Variants in NADK2 observed in about 807,000 individuals in gnomAD.
The protein encoded by NADK2 is NAD kinase domain-containing protein 1, mitochondrial.
A neutral mutation model predicts 62.1 loss-of-function variants in NADK2; 35 were observed. The ratio of observed to expected loss-of-function variants is 0.56; its 90% CI spans 0.43 to 0.75. The LOEUF is 0.75. Ranked by LOEUF, NADK2 falls within the 30% of genes least tolerant of loss-of-function variation. The probability of loss-of-function intolerance (pLI) is 0.00; values close to 1 mark genes in which losing one functional copy is unlikely to be tolerated. For synonymous variants in NADK2, 205 were observed against 207.9 expected (o/e 0.99, Z 0.12); for missense variants, 439 against 561.3 (o/e 0.78, Z 2.20).
At chr5:36,216,838 T>A (rs1347022196) in intron 6 of NADK2, among the ~76,000 whole-genome samples, 2 of 152,152 alleles carry the variant, frequency 1.3e-5, no homozygotes, top group Non-Finnish European at 1.5e-5. Context: ...CTATTATTTT[T>A]AAATTGTACT....
At chr5:36,214,338 G>A (rs1209205518) in intron 6 of NADK2, among the ~76,000 whole-genome samples, 1 of 151,992 alleles carries the variant, frequency 6.6e-6, no homozygotes, top group Non-Finnish European at 1.5e-5. Flanking sequence ...GCGCCACCAC[G>A]CCTGGCTAAT....
chr5:36,210,098 G>A (rs928124031), intron 7 of NADK2, among the ~76,000 whole-genome samples: 1 of 152,230 alleles, frequency 6.6e-6, no homozygotes, highest in South Asian at 2.1e-4. Context: ...TAGTAAACTA[G>A]GGATCCAACA....
At chr5:36,218,249 TTG>T (rs1357166764) in intron 5 of NADK2, 1 of 157,976 alleles carries the variant, frequency 6.3e-6, no homozygotes, top group Non-Finnish European at 1.4e-5. Flanking sequence ...TAAAATAATA[TTG>T]TGTTCAGATG....
intron 8 of NADK2, among the ~76,000 whole-genome samples, chr5:36,206,533 T>C (rs529485466): frequency 2.0e-4 from 31 of 152,108 alleles, no homozygotes; most frequent in African/African-American, 7.0e-4. Context: ...AAAATGCTTT[T>C]TTTCTCTAGA....
intron 6 of NADK2, among the ~76,000 whole-genome samples, chr5:36,214,928 A>C (rs1352038258): frequency 6.6e-6 from 1 of 152,208 alleles, no homozygotes; most frequent in African/African-American, 2.4e-5. Context: ...TATATTAATA[A>C]AACCAGTCTT....
At chr5:36,219,469 C>G in intron 5 of NADK2, 127 bp downstream of exon 5, 1 of 754,250 alleles carries the variant, frequency 1.3e-6, no homozygotes, top group Non-Finnish European at 2.1e-6. Context: ...CATCGGCCTC[C>G]CAAAGTACTG....
intron 5 of NADK2, chr5:36,218,121 G>A (rs145208268): frequency 8.5e-5 from 31 of 365,482 alleles, no homozygotes; most frequent in Middle Eastern, 8.3e-4. Context: ...AATCTCCCAA[G>A]TAACTTAAAT....
chr5:36,211,973 G>C, intron 6 of NADK2, 51 bp from the exon 7 acceptor site: 4 of 1,384,344 alleles, frequency 2.9e-6, no homozygotes, highest in Non-Finnish European at 4.0e-6. Context: ...TTGATTTCTA[G>C]AAATGTTATA....
chr5:36,241,412 G>A lies in NADK2; in HGVS notation c.300+87C>T. On this transcript the variant is annotated intron_variant, in intron 1 of 11. Transcript: ENST00000381937. This position sits in a 1 kb window ranked among gnomAD's most constrained non-coding sequence, Gnocchi z 4.9. Reference sequence around the variant, plus strand: ...CATCTGCGGTGCCCTGGGAAGAGTCGTCCCGAGAGGTCCCCCCGAGGGGGC... The same window carrying A: ...CATCTGCGGTGCCCTGGGAAGAGTCATCCCGAGAGGTCCCCCCGAGGGGGC... 3 of 1,413,838 alleles carry A rather than the reference G, an allele frequency of 2.1e-6. No homozygotes were observed. The highest frequency in any genetic ancestry group is 2.8e-6 in the Non-Finnish European group (3 of 1,086,888). 87.6% of individuals were successfully genotyped at this position (1,413,838 alleles called of 1,614,324 possible).
intron 6 of NADK2, among the ~76,000 whole-genome samples, chr5:36,214,970 T>A (rs531456670): frequency 1.3e-5 from 2 of 152,346 alleles, no homozygotes; most frequent in Admixed American, 1.3e-4. Context: ...GTGTTAGGTA[T>A]TATACATCAT....
Position 36,218,080 on chromosome 5 carries a change from T to G in NADK2, c.645-196A>C. On this transcript the variant is annotated intron_variant, in intron 5 of 11. Coordinates refer to ENST00000381937, the MANE Select transcript of NADK2 (RefSeq NM_001085411.3). ...TTTGAATATTTATTCTCTTTTCAATTATAACGGAAACACCTAATGTGCTTG... is the reference window on the plus strand; with the variant it reads ...TTTGAATATTTATTCTCTTTTCAATGATAACGGAAACACCTAATGTGCTTG... The G allele has an allele frequency of 6.0e-6, 3 of 500,498 alleles. No individual in the cohort carries two copies. In the South Asian group the frequency reaches 9.0e-5, roughly 15 times the overall value. The allele number at this position is 500,498 out of a possible 1,614,324, so 31.0% of individuals were successfully genotyped here.
intron 6 of NADK2, among the ~76,000 whole-genome samples, chr5:36,215,760 C>T (rs748001715): frequency 6.6e-6 from 1 of 152,166 alleles, no homozygotes; most frequent in Non-Finnish European, 1.5e-5. Flanking sequence ...ATTCATGTTG[C>T]TGCAAATCTC....
intron 1 of NADK2, among the ~76,000 whole-genome samples, chr5:36,240,801 G>A (rs918793319): frequency 5.9e-5 from 9 of 152,152 alleles, no homozygotes; most frequent in Non-Finnish European, 1.2e-4. Context: ...CAGTATACCA[G>A]CCCCTTGTCC....
At chr5:36,207,353 T>C (rs751754566) in intron 7 of NADK2, 88 bp from the exon 8 acceptor site, 27 of 921,430 alleles carry the variant, frequency 2.9e-5, no homozygotes, top group Non-Finnish European at 4.4e-5. Flanking sequence ...AAATCTTAAG[T>C]AAGTCAGCTT....
Position 36,241,805 on chromosome 5 carries a change from CCGGGCCGCGGCCGCGGGCTTGGGCT to C in NADK2, c.-32_-8del, listed in dbSNP as rs1748146487. On this transcript the variant is annotated 5_prime_UTR_variant, in exon 1 of 12. Transcript: ENST00000381937. The surrounding 1 kb of genome is among the most constrained non-coding windows in gnomAD (Gnocchi z 4.9). ...AGCCTCGGTAGCAAGTCATCGTGGG[CCGGGCCGCGGCCGCGGGCTTGGGCT>C]CGGGCCCCTTGCCTCAGCTCCCTAC... The C allele has an allele frequency of 5.3e-6, 7 of 1,315,822 alleles. No individual in the cohort carries two copies. Among genetic ancestry groups the C allele is most frequent in the African/African-American group, 1.6e-5 (1 of 64,220 alleles). The allele number at this position is 1,315,822 out of a possible 1,614,324, so 81.5% of individuals were successfully genotyped here.
intron 1 of NADK2, among the ~76,000 whole-genome samples, chr5:36,235,964 T>C (rs1481949498): frequency 6.6e-6 from 1 of 151,666 alleles, no homozygotes; most frequent in African/African-American, 2.4e-5. Context: ...TATTTTGAAA[T>C]TATATATTTC....
chr5:36,211,963 T>C, intron 6 of NADK2, 41 bp from the exon 7 acceptor site: 1 of 1,441,528 alleles, frequency 6.9e-7, no homozygotes, highest in Non-Finnish European at 9.6e-7. Context: ...AGATAGCTCC[T>C]TGATTTCTAG....
Position 36,241,831 on chromosome 5 carries a change from C to T in NADK2, c.-33G>A. 2.4e-6 allele frequency: 3 copies of T among 1,267,696 alleles called. No individual in the cohort carries two copies. The highest frequency in any genetic ancestry group is 4.3e-5 in the Admixed American group (1 of 23,160). 78.5% of individuals were successfully genotyped at this position (1,267,696 alleles called of 1,614,324 possible). On this transcript the variant is annotated 5_prime_UTR_variant, in exon 1 of 12. Transcript: ENST00000381937. The surrounding 1 kb of genome is among the most constrained non-coding windows in gnomAD (Gnocchi z 4.9). ...CGGGCCGCGGCCGCGGGCTTGGGCT[C>T]GGGCCCCTTGCCTCAGCTCCCTACC...
At chr5:36,216,490 C>T (rs933486170) in intron 6 of NADK2, among the ~76,000 whole-genome samples, 1 of 152,012 alleles carries the variant, frequency 6.6e-6, no homozygotes, top group Non-Finnish European at 1.5e-5. Context: ...AAAATCTTTG[C>T]CTAGACCAAC....
Sources: gnomAD v4.1 joint callset for allele counts (sites outside exome capture counted in the v4.1 genomes callset) on GRCh38, gnomAD v4.1.1 for gene constraint, Gnocchi (gnomAD v3.1) non-coding constraint, MANE v1.5 for transcripts, NCBI Gene and HGNC (gene_info 2026-07-23, HGNC 2026-07-21) for gene names.